Variants in COL8A1 observed in about 807,000 individuals in gnomAD.
The protein encoded by COL8A1 is collagen alpha-1(VIII) chain.
A neutral mutation model predicts 42.7 loss-of-function variants in COL8A1; 21 were observed. That is an observed-to-expected ratio of 0.49 (90% confidence interval 0.35 to 0.71). The LOEUF (loss-of-function observed/expected upper bound fraction) is 0.71, where lower values mean the gene tolerates loss of function less well. COL8A1 is among the 30% of genes least tolerant of loss of function. The pLI is 0.01. For synonymous variants in COL8A1, 367 were observed against 369.1 expected, an observed-to-expected ratio of 0.99 and a Z score of 0.06; for missense variants, 788 against 962.4, an observed-to-expected ratio of 0.82 and a Z score of 2.40.
intron 1 of COL8A1, among the ~76,000 whole-genome samples, chr3:99,729,869 C>G (rs778173669): frequency 1.3e-5 from 2 of 152,036 alleles, no homozygotes; most frequent in Non-Finnish European, 2.9e-5. Context: ...AGATGCCTCA[C>G]CCAATTGTCT....
chr3:99,702,858 G>A (rs550444402), intron 1 of COL8A1, among the ~76,000 whole-genome samples: 1 of 152,274 alleles, frequency 6.6e-6, no homozygotes, highest in African/African-American at 2.4e-5. Context: ...GTTGTTAGGT[G>A]GAGTTGCTTT....
chr3:99,686,779 G>A (rs1268683087), intron 1 of COL8A1, among the ~76,000 whole-genome samples: 1 of 152,128 alleles, frequency 6.6e-6, no homozygotes, highest in Non-Finnish European at 1.5e-5. Flanking sequence ...AGCCTTAGGT[G>A]ATCCTCCCAT....
In COL8A1 at chr3:99,644,353, T is replaced by C. The variant is rs536768568; in HGVS notation, c.-129+5689T>C. 2.6e-5 allele frequency among the ~76,000 whole-genome samples: 4 copies of C among 152,292 alleles called. No homozygotes were observed. The South Asian group carries it at 8.3e-4, about 32-fold the overall frequency. ...TAGACTTGACTCTGACCCAGGATAA[T>C]AACTCCATGGATGTCAAGTCATTGA... On this transcript the variant is annotated intron_variant, in intron 1 of 3. Transcript: ENST00000652472.
intron 1 of COL8A1, among the ~76,000 whole-genome samples, chr3:99,729,713 G>C (rs568429127): frequency 3.2e-4 from 49 of 151,976 alleles, no homozygotes; most frequent in Non-Finnish European, 5.3e-4. Context: ...TCAGCCAAAG[G>C]CTTAAAGAGT....
At chr3:99,741,544 C>T (rs911789578) in intron 1 of COL8A1, among the ~76,000 whole-genome samples, 6 of 152,166 alleles carry the variant, frequency 3.9e-5, no homozygotes, top group African/African-American at 1.4e-4. Flanking sequence ...TTTTTCTGCT[C>T]TCATGACTTA....
At chr3:99,761,250 C>A (rs1292399282) in intron 2 of COL8A1, among the ~76,000 whole-genome samples, 1 of 152,146 alleles carries the variant, frequency 6.6e-6, no homozygotes, top group African/African-American at 2.4e-5. Flanking sequence ...TTTGAAGGAG[C>A]TCCAAAACAC....
chr3:99,795,770 C>A lies in COL8A1; in HGVS notation c.1869C>A (p.Thr623=). The change falls in exon 4 of 4, where the codon ACC becomes ACA. Residue 623 remains threonine, a synonymous_variant. Coordinates refer to ENST00000652472, the MANE Select transcript of COL8A1 (RefSeq NM_020351.4). ...TGCCTGCATTTACCGCCGAGCTAACCGCACCTTTCCCACCGGTGGGGGCCC... is the reference window on the plus strand; with the variant it reads ...TGCCTGCATTTACCGCCGAGCTAACAGCACCTTTCCCACCGGTGGGGGCCC... ...YEMPAFTAEL[T]APFPPVGAPV... 6.2e-7 allele frequency: 1 copy of A among 1,614,102 alleles called. No individual in the cohort carries two copies. The highest frequency in any genetic ancestry group is 8.5e-7 in the Non-Finnish European group (1 of 1,180,000).
chr3:99,663,020 A>C (rs1311650048), intron 1 of COL8A1, among the ~76,000 whole-genome samples: 1 of 152,236 alleles, frequency 6.6e-6, no homozygotes, highest in African/African-American at 2.4e-5. Context: ...TGACAAATGC[A>C]GGTGTAAAAG....
intron 1 of COL8A1, among the ~76,000 whole-genome samples, chr3:99,687,431 T>C (rs1939095969): frequency 6.6e-6 from 1 of 152,220 alleles, no homozygotes; most frequent in Non-Finnish European, 1.5e-5. Context: ...TGTTCACGTG[T>C]GTGTGTGTGT....
intron 1 of COL8A1, among the ~76,000 whole-genome samples, chr3:99,639,039 T>C (rs1937450912): frequency 1.3e-5 from 2 of 152,226 alleles, no homozygotes. Context: ...AAATGTACTT[T>C]AAAAGAACAC....
chr3:99,694,267 G>A (rs1939305843), intron 1 of COL8A1, among the ~76,000 whole-genome samples: 2 of 152,144 alleles, frequency 1.3e-5, no homozygotes, highest in Admixed American at 1.3e-4. Context: ...CAGATCATTT[G>A]AGGTCAGGAG....
intron 2 of COL8A1, among the ~76,000 whole-genome samples, chr3:99,764,691 T>TC (rs1404104515): frequency 2.5e-5 from 1 of 39,822 alleles, no homozygotes; most frequent in Non-Finnish European, 4.4e-5. Context: ...TTCTTTTTTT[T>TC]CTTTTTTTTC....
At chr3:99,658,606 G>T (rs1443261953) in intron 1 of COL8A1, among the ~76,000 whole-genome samples, 1 of 152,152 alleles carries the variant, frequency 6.6e-6, no homozygotes, top group African/African-American at 2.4e-5. Context: ...GAAACCAAGT[G>T]CAGGTACTCA....
At chr3:99,731,890 T>C (rs960604854) in intron 1 of COL8A1, among the ~76,000 whole-genome samples, 1 of 152,158 alleles carries the variant, frequency 6.6e-6, no homozygotes, top group East Asian at 1.9e-4. Context: ...ACAATTATTA[T>C]GCTTATTATT....
At chr3:99,731,108 A>G (rs1389884893) in intron 1 of COL8A1, among the ~76,000 whole-genome samples, 1 of 152,080 alleles carries the variant, frequency 6.6e-6, no homozygotes, top group African/African-American at 2.4e-5. Flanking sequence ...CCTGCTTTGG[A>G]GTAGTTGGGG....
intron 1 of COL8A1, among the ~76,000 whole-genome samples, chr3:99,645,648 G>A (rs1044216037): frequency 2.6e-5 from 4 of 151,252 alleles, no homozygotes; most frequent in African/African-American, 9.7e-5. Flanking sequence ...TACAACCAAT[G>A]GCTAAAATGT....
At chr3:99,691,981 T>G (rs1277111674) in intron 1 of COL8A1, 1 of 152,204 alleles carries the variant, frequency 6.6e-6, no homozygotes, top group African/African-American at 2.4e-5. Flanking sequence ...TAAAAATGAC[T>G]ACTTTTTAAT....
At chr3:99,770,696 A>G (rs1941562155) in intron 2 of COL8A1, among the ~76,000 whole-genome samples, 2 of 152,216 alleles carry the variant, frequency 1.3e-5, no homozygotes, top group Non-Finnish European at 2.9e-5. Context: ...ATTAACATCC[A>G]TGGTGTCATC....
chr3:99,701,738 G>A (rs1939545743), intron 1 of COL8A1, among the ~76,000 whole-genome samples: 1 of 152,064 alleles, frequency 6.6e-6, no homozygotes, highest in Non-Finnish European at 1.5e-5. Flanking sequence ...TTTAGATCTG[G>A]AAGATCATCC....
Sources: allele counts gnomAD v4.1 joint callset (sites outside exome capture counted in the v4.1 genomes callset), GRCh38; gene constraint gnomAD v4.1.1; transcripts MANE v1.5; gene names NCBI Gene and HGNC (gene_info 2026-07-23, HGNC 2026-07-21).